The following STRN variants were observed in gnomAD, a reference collection of about 807,000 sequenced individuals.
The protein encoded by STRN is striatin.
In STRN, 53 loss-of-function variants were observed where a neutral mutation model predicts 96.3. The observed-to-expected ratio is 0.55, with a 90% confidence interval of 0.44 to 0.69. The LOEUF (loss-of-function observed/expected upper bound fraction) is 0.69, where lower values mean the gene tolerates loss of function less well. Ranked by LOEUF, STRN falls within the 30% of genes least tolerant of loss-of-function variation. The pLI is 0.00. For synonymous variants in STRN, 428 were observed against 355.9 expected, an observed-to-expected ratio of 1.20 and a Z score of -2.28; for missense variants, 987 against 963.9, an observed-to-expected ratio of 1.02 and a Z score of -0.32.
rs946076707 is a variant in STRN at position 36,839,093 on chromosome 2, T to C, written c.*10363A>G. Among the ~76,000 whole-genome samples the C allele has an allele frequency of 1.3e-5, 2 of 152,226 alleles. No homozygotes were observed. Among genetic ancestry groups the C allele is most frequent in the African/African-American group, 2.4e-5 (1 of 41,464 alleles). On this transcript the variant is annotated 3_prime_UTR_variant, in exon 18 of 18. Coordinates refer to ENST00000263918, the MANE Select transcript of STRN (RefSeq NM_003162.4). ...TTGTATGAATAATTAGAAAGATACA[T>C]ATCAGGGAGGTAGGAATGAAGGGGT... is the stretch of plus-strand genomic sequence containing the variant.
At chr2:36,939,111 G>C (rs992216723) in intron 1 of STRN, among the ~76,000 whole-genome samples, 1 of 151,816 alleles carries the variant, frequency 6.6e-6, no homozygotes, top group Non-Finnish European at 1.5e-5. Flanking sequence ...TCAGCCTCCC[G>C]AGTAGCTGGA....
chr2:36,886,393 A>G (rs1471581791), intron 8 of STRN, among the ~76,000 whole-genome samples: 3 of 152,146 alleles, frequency 2.0e-5, no homozygotes, highest in Non-Finnish European at 4.4e-5. Flanking sequence ...AAAAAGAAAA[A>G]CATTGTTATA....
intron 5 of STRN, among the ~76,000 whole-genome samples, chr2:36,901,105 C>A (rs972085226): frequency 2.6e-5 from 4 of 152,020 alleles, no homozygotes; most frequent in African/African-American, 9.7e-5. Flanking sequence ...GTATTACCCT[C>A]CCCTAACTCT....
chr2:36,921,312 T>C (rs1270875407), intron 2 of STRN, among the ~76,000 whole-genome samples: 1 of 152,088 alleles, frequency 6.6e-6, no homozygotes, highest in Non-Finnish European at 1.5e-5. Context: ...ACTTCCAAAA[T>C]ACTACTCTCT....
chr2:36,920,676 T>C (rs1670229394), intron 2 of STRN, among the ~76,000 whole-genome samples: 1 of 151,320 alleles, frequency 6.6e-6, no homozygotes, highest in Non-Finnish European at 1.5e-5. Flanking sequence ...CAGGAACTCT[T>C]TTCCAGGAGC....
At chr2:36,965,721 T>C (rs1665140971) in intron 1 of STRN, among the ~76,000 whole-genome samples, 1 of 152,166 alleles carries the variant, frequency 6.6e-6, no homozygotes, top group Non-Finnish European at 1.5e-5. Flanking sequence ...ATAACACTTT[T>C]GCCCAACGTC....
At chr2:36,859,972 G>T (rs558457930) in intron 13 of STRN, among the ~76,000 whole-genome samples, 1 of 152,340 alleles carries the variant, frequency 6.6e-6, no homozygotes, top group South Asian at 2.1e-4. Flanking sequence ...TGGTAATTGT[G>T]TTTTCTAGAC....
At chr2:36,914,709 T>C (rs903071220) in intron 3 of STRN, among the ~76,000 whole-genome samples, 2 of 152,138 alleles carry the variant, frequency 1.3e-5, no homozygotes, top group African/African-American at 2.4e-5. Flanking sequence ...AGAAGCAACA[T>C]GGTAAAATGG....
chr2:36,858,681 T>C (rs1224407439), intron 13 of STRN, among the ~76,000 whole-genome samples: 1 of 152,252 alleles, frequency 6.6e-6, no homozygotes, highest in East Asian at 1.9e-4. Context: ...TATGAAGTGG[T>C]ACTTTCAAGA....
Position 36,855,361 on chromosome 2 carries a change from G to T in STRN, c.1838-9C>A. Reference sequence around the variant, plus strand: ...GGCAGGGATTCCCAGTTCTGAAAGAGAACATATTGAAATAGAATGGCAATT... The same window carrying T: ...GGCAGGGATTCCCAGTTCTGAAAGATAACATATTGAAATAGAATGGCAATT... On this transcript the variant is annotated splice_polypyrimidine_tract_variant and intron_variant, in intron 14 of 17. Coordinates refer to ENST00000263918, the MANE Select transcript of STRN (RefSeq NM_003162.4). 2 of 1,611,098 alleles carry T rather than the reference G, an allele frequency of 1.2e-6. No individual in the cohort carries two copies. Among genetic ancestry groups the T allele is most frequent in the Non-Finnish European group, 1.7e-6 (2 of 1,179,004 alleles).
intron 3 of STRN, among the ~76,000 whole-genome samples, chr2:36,913,286 T>A (rs1670009447): frequency 6.6e-6 from 1 of 152,206 alleles, no homozygotes. Context: ...GTAACTATTT[T>A]ACCCCCCAGC....
At chr2:36,899,364 A>C (rs1479026181) in intron 6 of STRN, among the ~76,000 whole-genome samples, 159 bp downstream of exon 6, 7 of 152,244 alleles carry the variant, frequency 4.6e-5, no homozygotes, top group Non-Finnish European at 1.0e-4. Context: ...AAATATTCTC[A>C]ACTTGAAATC....
intron 3 of STRN, among the ~76,000 whole-genome samples, chr2:36,909,895 G>A (rs1558648729): frequency 1.3e-5 from 2 of 152,064 alleles, no homozygotes; most frequent in Non-Finnish European, 2.9e-5. Context: ...TTTTCAGGCC[G>A]GGCGCAGTGG....
At chr2:36,922,316 C>T (rs1670281577) in intron 2 of STRN, among the ~76,000 whole-genome samples, 2 of 151,854 alleles carry the variant, frequency 1.3e-5, no homozygotes, top group South Asian at 4.2e-4. Flanking sequence ...CCCAGGAGGT[C>T]CAGACCAGCC....
chr2:36,950,528 T>C (rs892071657), intron 1 of STRN, among the ~76,000 whole-genome samples: 17 of 152,198 alleles, frequency 1.1e-4, no homozygotes, highest in Non-Finnish European at 2.2e-4. Context: ...TAAAATGGCA[T>C]GGCAAAGTGG....
At chr2:36,959,494 A>G (rs187026742) in intron 1 of STRN, among the ~76,000 whole-genome samples, 114 of 152,338 alleles carry the variant, frequency 7.5e-4, no homozygotes, top group African/African-American at 2.5e-3. Flanking sequence ...TACAAAACCT[A>G]TTTCATTCTT....
chr2:36,880,205 C>T lies in STRN; in HGVS notation c.1187-2178G>A, dbSNP rs186439414. ...CTGGTCTCAAACTCCTGACCTCAAG[C>T]GATCTCCCTGCCTTGGCCTCCCAAA... On this transcript the variant is annotated intron_variant, in intron 9 of 17. Transcript: ENST00000263918. Among the ~76,000 whole-genome samples the T allele has an allele frequency of 2.4e-3, 362 of 152,250 alleles. 1 individual carries two copies. The highest frequency in any genetic ancestry group is 5.5e-3 in the Admixed American group (84 of 15,292).
chr2:36,868,497 T>G (rs1316640492), intron 11 of STRN, among the ~76,000 whole-genome samples: 1 of 152,240 alleles, frequency 6.6e-6, no homozygotes, highest in African/African-American at 2.4e-5. Context: ...GGCTATGACT[T>G]TGATGGAAAC....
chr2:36,907,479 C>T (rs749676177), intron 3 of STRN, among the ~76,000 whole-genome samples: 2 of 151,606 alleles, frequency 1.3e-5, no homozygotes, highest in Admixed American at 1.3e-4. Context: ...ACCTGAGAGG[C>T]GGAGGTTGCA....
Sources: gnomAD v4.1 joint callset for allele counts (sites outside exome capture counted in the v4.1 genomes callset) on GRCh38, gnomAD v4.1.1 for gene constraint, MANE v1.5 for transcripts, NCBI Gene and HGNC (gene_info 2026-07-23, HGNC 2026-07-21) for gene names.